Variants in MACROD2 observed in about 807,000 individuals in gnomAD.
MACROD2 encodes mono-ADP ribosylhydrolase 2, also known as ADP-ribose glycohydrolase MACROD2.
MACROD2 carries 36 observed loss-of-function variants against 70.4 expected under a neutral mutation model. The ratio of observed to expected loss-of-function variants is 0.51; its 90% CI spans 0.39 to 0.68. MACROD2 has a LOEUF of 0.68. MACROD2 is among the 30% of genes least tolerant of loss of function. The probability of loss-of-function intolerance (pLI) is 0.00; values close to 1 mark genes in which losing one functional copy is unlikely to be tolerated. For synonymous variants in MACROD2, 172 were observed against 178.8 expected, an observed-to-expected ratio of 0.96 and a Z score of 0.30; for missense variants, 496 against 538.4, an observed-to-expected ratio of 0.92 and a Z score of 0.78.
chr20:15,414,291 A>G (rs2046117536), intron 6 of MACROD2, among the ~76,000 whole-genome samples: 1 of 152,200 alleles, frequency 6.6e-6, no homozygotes, highest in African/African-American at 2.4e-5. Context: ...CAGTATTGGT[A>G]TCATCTGGGA....
intron 5 of MACROD2, among the ~76,000 whole-genome samples, chr20:14,763,655 T>C (rs763510195): frequency 5.9e-5 from 9 of 152,046 alleles, no homozygotes; most frequent in Non-Finnish European, 1.0e-4. Context: ...GATTTAAAGA[T>C]TTAGACTTAT....
chr20:15,604,773 C>T (rs2048870111), intron 8 of MACROD2, among the ~76,000 whole-genome samples: 1 of 152,180 alleles, frequency 6.6e-6, no homozygotes, highest in Admixed American at 6.6e-5. Flanking sequence ...AAAGTCTGTG[C>T]TACGGGGACA....
At chr20:14,301,301 A>G (rs1428782843) in intron 3 of MACROD2, among the ~76,000 whole-genome samples, 3 of 152,222 alleles carry the variant, frequency 2.0e-5, no homozygotes, top group African/African-American at 4.8e-5. Flanking sequence ...ATGGCATCTC[A>G]GGTGGGAAAA....
At chr20:15,368,325 G>A (rs2045441276) in intron 6 of MACROD2, among the ~76,000 whole-genome samples, 1 of 151,748 alleles carries the variant, frequency 6.6e-6, no homozygotes, top group Non-Finnish European at 1.5e-5. Flanking sequence ...AATTTGTAAT[G>A]CCATTATCTT....
intron 10 of MACROD2, 28 bp from the exon 11 acceptor site, chr20:15,933,248 T>G (rs1398679041): frequency 1.2e-6 from 2 of 1,610,694 alleles, no homozygotes; most frequent in Non-Finnish European, 8.5e-7. Context: ...CTTGATGCAT[T>G]TTTTTTCCTC....
At chr20:14,884,843 T>C (rs2073653687) in intron 5 of MACROD2, among the ~76,000 whole-genome samples, 1 of 152,170 alleles carries the variant, frequency 6.6e-6, no homozygotes, top group Non-Finnish European at 1.5e-5. Flanking sequence ...AATAAAAACC[T>C]TGGTCTCCAC....
At chr20:15,369,771 G>A (rs956412144) in intron 6 of MACROD2, among the ~76,000 whole-genome samples, 3 of 152,136 alleles carry the variant, frequency 2.0e-5, no homozygotes, top group African/African-American at 2.4e-5. Flanking sequence ...ATTAGGTTCC[G>A]ATAATTAGAT....
At chr20:14,612,748 C>T (rs1983245923) in intron 4 of MACROD2, among the ~76,000 whole-genome samples, 1 of 151,988 alleles carries the variant, frequency 6.6e-6, no homozygotes, top group Non-Finnish European at 1.5e-5. Flanking sequence ...TAAAACTCAT[C>T]TGATTATGGT....
chr20:14,597,177 T>C (rs893045932), intron 4 of MACROD2, among the ~76,000 whole-genome samples: 7 of 152,202 alleles, frequency 4.6e-5, no homozygotes, highest in Admixed American at 1.3e-4. Flanking sequence ...CTTATTTCCT[T>C]TCTGAGGATG....
At chr20:15,484,613 C>T (rs2047141593) in intron 7 of MACROD2, among the ~76,000 whole-genome samples, 1 of 152,182 alleles carries the variant, frequency 6.6e-6, no homozygotes, top group African/African-American at 2.4e-5. Context: ...TATTATGACA[C>T]ACAGAATGCT....
chr20:15,760,063 C>T (rs1158097183), intron 8 of MACROD2, among the ~76,000 whole-genome samples: 2 of 152,168 alleles, frequency 1.3e-5, no homozygotes, highest in African/African-American at 2.4e-5. Context: ...TGGAGTGCCA[C>T]AAAGATCAAC....
At chr20:14,167,021 AG>A (rs1286575916) in intron 3 of MACROD2, among the ~76,000 whole-genome samples, 4 of 152,228 alleles carry the variant, frequency 2.6e-5, no homozygotes, top group African/African-American at 9.6e-5. Flanking sequence ...TTTTGGTTCC[AG>A]TCCTTCAGCT....
At chr20:15,328,891 A>G (rs1449205377) in intron 6 of MACROD2, among the ~76,000 whole-genome samples, 2 of 152,114 alleles carry the variant, frequency 1.3e-5, no homozygotes, top group Non-Finnish European at 2.9e-5. Context: ...ATAGTATATA[A>G]TAGTGTGCGT....
intron 3 of MACROD2, among the ~76,000 whole-genome samples, chr20:14,346,806 T>A (rs1296827755): frequency 1.3e-5 from 2 of 152,166 alleles, no homozygotes; most frequent in Non-Finnish European, 2.9e-5. Context: ...TTGCCACGTG[T>A]CTTCCCTTGG....
intron 4 of MACROD2, among the ~76,000 whole-genome samples, chr20:14,609,790 G>A (rs1983042190): frequency 6.6e-6 from 1 of 152,094 alleles, no homozygotes; most frequent in South Asian, 2.1e-4. Context: ...ATTAACTCAT[G>A]AAGATAACAG....
chr20:14,168,726 C>G (rs540169355), intron 3 of MACROD2, among the ~76,000 whole-genome samples: 1 of 151,940 alleles, frequency 6.6e-6, no homozygotes, highest in Non-Finnish European at 1.5e-5. Flanking sequence ...ACTTATCTTT[C>G]CCCCTTGCCT....
At chr20:15,378,985 A>AGG (rs1437284656) in intron 6 of MACROD2, among the ~76,000 whole-genome samples, 1 of 152,214 alleles carries the variant, frequency 6.6e-6, no homozygotes, top group African/African-American at 2.4e-5. Context: ...ATAAATGTGA[A>AGG]GGAATGCCTG....
At chr20:14,220,551 T>C (rs945465630) in intron 3 of MACROD2, among the ~76,000 whole-genome samples, 15 of 152,302 alleles carry the variant, frequency 9.8e-5, no homozygotes, top group Non-Finnish European at 1.8e-4. Context: ...GCCAGGAGGC[T>C]TCTCATCTCG....
intron 7 of MACROD2, among the ~76,000 whole-genome samples, chr20:15,458,624 TTTGTTTTTTTTTTTTA>T (rs2046763498): frequency 7.0e-6 from 1 of 142,430 alleles, no homozygotes; most frequent in East Asian, 2.0e-4. Flanking sequence ...TTTTTGTTTT[TTTGTTTTTTTTTTTTA>T]AAAAAAAAAA....
Sources: allele counts gnomAD v4.1 joint callset (sites outside exome capture counted in the v4.1 genomes callset), GRCh38; gene constraint gnomAD v4.1.1; transcripts MANE v1.5; gene names NCBI Gene and HGNC (gene_info 2026-07-23, HGNC 2026-07-21).